BTNL2: variants seen among roughly 807,000 people sequenced by gnomAD.
BTNL2 encodes butyrophilin like 2.
Under a neutral mutation model 46.8 loss-of-function variants are expected in BTNL2, and 46 were observed. That is an observed-to-expected ratio of 0.98 (90% CI 0.78 to 1.26). BTNL2 has a LOEUF of 1.26. Among genes scored for constraint, BTNL2 ranks in the 50% most tolerant of loss-of-function variants. BTNL2 has a pLI of 0.00. For synonymous variants in BTNL2, 226 were observed against 229.1 expected (o/e 0.99, Z 0.12); for missense variants, 461 against 592.6 (o/e 0.78, Z 2.31).
intron 5 of BTNL2, 114 bp downstream of exon 5, chr6:32,395,925 G>T: frequency 1.2e-6 from 1 of 809,354 alleles, no homozygotes; most frequent in Non-Finnish European, 1.9e-6. Context: ...ATATAAATTT[G>T]ATGATGAATA....
At chr6:32,397,816 AC>A (rs1286937486) in intron 4 of BTNL2, among the ~76,000 whole-genome samples, 1 of 152,152 alleles carries the variant, frequency 6.6e-6, no homozygotes, top group Non-Finnish European at 1.5e-5. Context: ...TCTCATGTGG[AC>A]TTTTGGTAAT....
intron 4 of BTNL2, among the ~76,000 whole-genome samples, chr6:32,400,012 C>T (rs993432959): frequency 6.6e-6 from 1 of 152,088 alleles, no homozygotes; most frequent in Non-Finnish European, 1.5e-5. Flanking sequence ...GACATGGGGT[C>T]GTATTGTGTG....
At chr6:32,403,283 C>T (rs1776910515) in intron 2 of BTNL2, 67 bp from the exon 3 acceptor site, 1 of 1,504,138 alleles carries the variant, frequency 6.6e-7, no homozygotes, top group Non-Finnish European at 8.9e-7. Flanking sequence ...AGGCTGAGAT[C>T]CCAGTGACGT....
chr6:32,395,101 G>T, intron 5 of BTNL2, 76 bp from the exon 6 acceptor site: 1 of 1,453,062 alleles, frequency 6.9e-7, no homozygotes, highest in Non-Finnish European at 9.3e-7. Context: ...TGGGAGGAAA[G>T]AAGGGGATGT....
At chr6:32,400,373 A>T (rs1158683894) in intron 4 of BTNL2, among the ~76,000 whole-genome samples, 1 of 152,162 alleles carries the variant, frequency 6.6e-6, no homozygotes, top group Non-Finnish European at 1.5e-5. Flanking sequence ...TTCCTGGAGC[A>T]GGTGACTTGA....
intron 4 of BTNL2, 60 bp downstream of exon 4, chr6:32,401,725 C>T (rs1776795038): frequency 2.0e-6 from 3 of 1,520,192 alleles, no homozygotes; most frequent in Non-Finnish European, 2.7e-6. Flanking sequence ...TAGCTCCCCT[C>T]CCTCTGCTGG....
rs532229607 is a variant in BTNL2 at position 32,402,890 on chromosome 6, C to T, written c.709+45G>A. On this transcript the variant is annotated intron_variant, in intron 3 of 7. Transcript: ENST00000454136. ...TGCTATGGTGCAGTCCCTGGGACCTCTCCTGCTGATCTGAGCATGTGGGTC... is the reference window on the plus strand; with the variant it reads ...TGCTATGGTGCAGTCCCTGGGACCTTTCCTGCTGATCTGAGCATGTGGGTC... 1.0e-5 allele frequency: 16 copies of T among 1,592,168 alleles called. No individual in the cohort carries two copies. The African/African-American group carries it at 1.6e-4, about 16-fold the overall frequency.
intron 1 of BTNL2, among the ~76,000 whole-genome samples, chr6:32,405,762 T>G (rs1236973446): frequency 1.6e-5 from 1 of 62,250 alleles, no homozygotes; most frequent in African/African-American, 5.2e-5. Flanking sequence ...ATTTATTAGC[T>G]TTTTTTAGCC....
rs759690206 is a variant in BTNL2, at chr6:32,395,074, G to T, written c.1079-49C>A. 2.7e-6 allele frequency: 4 copies of T among 1,508,518 alleles called. No homozygotes were observed. In the African/African-American group the frequency reaches 5.6e-5, roughly 21 times the overall value. The allele number at this position is 1,508,518 out of a possible 1,614,324, so 93.4% of individuals were successfully genotyped here. On this transcript the variant is annotated intron_variant, in intron 5 of 7. Coordinates refer to ENST00000454136, the MANE Select transcript of BTNL2 (RefSeq NM_001304561.2). ...GCCTGGGGTCCTTTCAAGTGGATGA[G>T]TGGGCAGCAATTTCACTGGGAGGAA...
rs67509572 is a variant in BTNL2, at chr6:32,394,468, TAA to T, written c.1360+274_1360+275del. On this transcript the variant is annotated intron_variant, in intron 6 of 7. Coordinates refer to ENST00000454136, the MANE Select transcript of BTNL2 (RefSeq NM_001304561.2). The surrounding 1 kb of genome is among the most constrained non-coding windows in gnomAD (Gnocchi z 4.6). ...GTTTTCACATCAGAAGAAGAGAATTTAAAGAGAGAGAGTGAAAACAGGGTCAA... is the reference window on the plus strand; with the variant it reads ...GTTTTCACATCAGAAGAAGAGAATTTAGAGAGAGAGTGAAAACAGGGTCAA... Among the ~76,000 whole-genome samples, 23,030 of 151,928 alleles carry T rather than the reference TAA, an allele frequency of 0.15. 1,823 individuals carry two copies. Among genetic ancestry groups the T allele is most frequent in the South Asian group, 0.19 (895 of 4,822 alleles).
At chr6:32,405,700 C>A (rs1393520632) in intron 1 of BTNL2, 1 of 221,078 alleles carries the variant, frequency 4.5e-6, no homozygotes, top group African/African-American at 2.3e-5. Flanking sequence ...AAATTGGAAA[C>A]CTTATTCTTG....
intron 4 of BTNL2, among the ~76,000 whole-genome samples, 182 bp downstream of exon 4, chr6:32,401,603 G>T (rs1185261280): frequency 1.3e-5 from 2 of 152,160 alleles, no homozygotes; most frequent in Non-Finnish European, 2.9e-5. Flanking sequence ...TAACACAGCT[G>T]CAACCTCCTT....
intron 5 of BTNL2, among the ~76,000 whole-genome samples, chr6:32,395,322 T>C (rs561061169): frequency 6.6e-6 from 1 of 152,290 alleles, no homozygotes; most frequent in South Asian, 2.1e-4. Context: ...AGGGCATGGG[T>C]CACATGGACA....
intron 3 of BTNL2, 113 bp from the exon 4 acceptor site, chr6:32,401,918 T>C (rs1318907238): frequency 1.3e-6 from 1 of 795,856 alleles, no homozygotes; most frequent in Non-Finnish European, 1.9e-6. Flanking sequence ...CTCAATTCAT[T>C]AAAAAAATGA....
intron 3 of BTNL2, 144 bp from the exon 4 acceptor site, chr6:32,401,949 C>A (rs1209261484): frequency 4.9e-5 from 30 of 611,996 alleles, no homozygotes; most frequent in Non-Finnish European, 7.7e-5. Flanking sequence ...AATACTGATT[C>A]TTTCCCACAG....
Position 32,396,393 on chromosome 6 carries a change from A to T in BTNL2, c.731-7T>A. The T allele has an allele frequency of 6.2e-7, 1 of 1,606,702 alleles. No homozygotes were observed. Among genetic ancestry groups the T allele is most frequent in the Non-Finnish European group, 8.5e-7 (1 of 1,175,476 alleles). ...CCATTCACTTTTAAAGAAGCTGTTA[A>T]ATAGAGTGGACAAAACACAATGAAA... On this transcript the variant is annotated splice_polypyrimidine_tract_variant and splice_region_variant and intron_variant, in intron 4 of 7. Coordinates refer to ENST00000454136, the MANE Select transcript of BTNL2 (RefSeq NM_001304561.2). The surrounding 1 kb of genome is among the most constrained non-coding windows in gnomAD (Gnocchi z 4.4).
chr6:32,405,761 CT>C (rs3840420), intron 1 of BTNL2, among the ~76,000 whole-genome samples: 54,792 of 150,390 alleles, frequency 0.36, 9,987 homozygotes, highest in East Asian at 0.46. Context: ...CATTTATTAG[CT>C]TTTTTTAGCC....
intron 1 of BTNL2, among the ~76,000 whole-genome samples, chr6:32,405,882 A>G (rs915637537): frequency 1.4e-5 from 2 of 147,660 alleles, no homozygotes; most frequent in African/African-American, 5.1e-5. Context: ...GGGACTATGT[A>G]CAATGCAGTT....
In BTNL2 at chr6:32,394,786, G is replaced by A; in HGVS notation, c.1318C>T (p.Pro440Ser). Reference protein sequence around the residue: ...AVDVTCSISIPFLGEEKIATF... With the variant: ...AVDVTCSISISFLGEEKIATF... Reference sequence around the variant, plus strand: ...GCGATTTTCTCCTCGCCCAAAAAGGGGATGCTGATGGAACAAGTGACGTCC... The same window carrying A: ...GCGATTTTCTCCTCGCCCAAAAAGGAGATGCTGATGGAACAAGTGACGTCC... The change falls in exon 6 of 8, where the codon CCC (proline) becomes TCC (serine). Residue 440 changes from proline (P) to serine (S), a missense_variant. By Grantham distance (74) the Pro-to-Ser change is moderately conservative (BLOSUM62 -1). Coordinates refer to ENST00000454136, the MANE Select transcript of BTNL2 (RefSeq NM_001304561.2). This position sits in a 1 kb window ranked among gnomAD's most constrained non-coding sequence, Gnocchi z 4.6. 6.2e-7 allele frequency: 1 copy of A among 1,613,854 alleles called. No homozygotes were observed. The highest frequency in any genetic ancestry group is 8.5e-7 in the Non-Finnish European group (1 of 1,179,784).
Sources: allele counts gnomAD v4.1 joint callset (sites outside exome capture counted in the v4.1 genomes callset), GRCh38; gene constraint gnomAD v4.1.1; non-coding constraint Gnocchi (gnomAD v3.1); transcripts MANE v1.5; gene names NCBI Gene and HGNC (gene_info 2026-07-23, HGNC 2026-07-21).